The following MED13L variants were observed in gnomAD, a reference collection of about 807,000 sequenced individuals.
MED13L encodes the protein mediator complex subunit 13L, also known as mediator of RNA polymerase II transcription subunit 13-like.
MED13L carries 7 observed loss-of-function variants against 220.9 expected under a neutral mutation model. The ratio of observed to expected loss-of-function variants is 0.03; its 90% confidence interval spans 0.02 to 0.06. The LOEUF (loss-of-function observed/expected upper bound fraction) is 0.06. Ranked by LOEUF, MED13L falls within the 10% of genes least tolerant of loss-of-function variation. The pLI, the probability that MED13L is intolerant of heterozygous loss-of-function variation, is 1.00. For synonymous variants in MED13L, 1,011 were observed against 1,015.2 expected (o/e 1.00, Z 0.08); for missense variants, 1,965 against 2,760.5 (o/e 0.71, Z 6.46).
chr12:116,088,452 T>G (rs1871903827), intron 4 of MED13L, among the ~76,000 whole-genome samples: 1 of 151,970 alleles, frequency 6.6e-6, no homozygotes, highest in African/African-American at 2.4e-5. Flanking sequence ...CCAAGGAAAA[T>G]CTGGCACTAT....
chr12:116,088,427 G>T (rs1871899797), intron 4 of MED13L, among the ~76,000 whole-genome samples: 1 of 152,132 alleles, frequency 6.6e-6, no homozygotes, highest in African/African-American at 2.4e-5. Flanking sequence ...TTTCAACCAG[G>T]GGTGACTTGC....
chr12:116,248,948 C>T (rs1191823178), intron 1 of MED13L, among the ~76,000 whole-genome samples: 1 of 152,214 alleles, frequency 6.6e-6, no homozygotes, highest in Non-Finnish European at 1.5e-5. Context: ...TGAGAGAAGG[C>T]ATACAAATGA....
At chr12:116,120,916 T>C (rs1593067953) in intron 2 of MED13L, among the ~76,000 whole-genome samples, 1 of 152,172 alleles carries the variant, frequency 6.6e-6, no homozygotes, top group African/African-American at 2.4e-5. Context: ...CTAAAATGCA[T>C]GTAAAATAAA....
Position 116,185,197 on chromosome 12 carries a change from T to C in MED13L, c.310+52271A>G, listed in dbSNP as rs140246784. On this transcript the variant is annotated intron_variant, in intron 2 of 30. Coordinates refer to ENST00000281928, the MANE Select transcript of MED13L (RefSeq NM_015335.5). ...AATCAAGGTTTGAAAGACCACAAAA[T>C]CTTTACTCACCTACAAAGTGGTCAG... Among the ~76,000 whole-genome samples the C allele has an allele frequency of 2.3e-4, 35 of 152,254 alleles. No individual in the cohort carries two copies. The East Asian group carries it at 6.6e-3, about 29-fold the overall frequency.
At chr12:116,269,819 ATGAGAAATAAACAC>A (rs1306193685) in intron 1 of MED13L, among the ~76,000 whole-genome samples, 3 of 152,362 alleles carry the variant, frequency 2.0e-5, no homozygotes, top group African/African-American at 7.2e-5. Context: ...TTCATCTAGA[ATGAGAAATAAACAC>A]TGAGAAATAT....
Position 115,970,734 on chromosome 12 carries a change from G to C in MED13L, c.5927C>G (p.Thr1976Ser). 1 of 1,614,036 alleles carries C rather than the reference G, an allele frequency of 6.2e-7. No individual in the cohort carries two copies. The highest frequency in any genetic ancestry group is 1.7e-5 in the Admixed American group (1 of 59,998). The change falls in exon 27 of 31, where the codon ACT becomes AGT. Residue 1976 changes from threonine to serine, a missense_variant. Physicochemically the swap from Thr to Ser is moderately conservative, Grantham distance 58. Transcript: ENST00000281928. ...CTGAGATGACTGCATGTTCAGTGCAGTACTTCGGCCAAAAACAGAGCCCAT... is the reference window on the plus strand; with the variant it reads ...CTGAGATGACTGCATGTTCAGTGCACTACTTCGGCCAAAAACAGAGCCCAT... ...VTMGSVFGRS[T>S]ALNMQSSQLN...
At chr12:116,120,440 T>TCTC (rs1874947546) in intron 2 of MED13L, among the ~76,000 whole-genome samples, 4 of 98,324 alleles carry the variant, frequency 4.1e-5, no homozygotes, top group Admixed American at 1.2e-4. Context: ...TAATCTCTCT[T>TCTC]TCTCTCTCTC....
chr12:116,251,834 C>T (rs984026250), intron 1 of MED13L, among the ~76,000 whole-genome samples: 1 of 149,608 alleles, frequency 6.7e-6, no homozygotes, highest in African/African-American at 2.5e-5. Flanking sequence ...GACATATTTA[C>T]GTTGAGAGTG....
chr12:116,017,409 G>A (rs1879790084), intron 7 of MED13L, among the ~76,000 whole-genome samples: 1 of 152,156 alleles, frequency 6.6e-6, no homozygotes, highest in African/African-American at 2.4e-5. Context: ...ACTTAATGTA[G>A]TGCAATTGTT....
intron 4 of MED13L, among the ~76,000 whole-genome samples, chr12:116,093,990 T>C (rs922096530): frequency 2.0e-5 from 3 of 152,148 alleles, no homozygotes; most frequent in Non-Finnish European, 4.4e-5. Flanking sequence ...TCAATAATAA[T>C]AAAAATTCAG....
chr12:116,116,359 C>T (rs1422551778), intron 2 of MED13L, among the ~76,000 whole-genome samples: 1 of 151,984 alleles, frequency 6.6e-6, no homozygotes, highest in Admixed American at 6.6e-5. Context: ...CATAAAAACC[C>T]AAAAAGACTG....
At chr12:116,161,572 A>C (rs1157728418) in intron 2 of MED13L, among the ~76,000 whole-genome samples, 1 of 152,136 alleles carries the variant, frequency 6.6e-6, no homozygotes, top group Non-Finnish European at 1.5e-5. Flanking sequence ...GATGAATAGA[A>C]CAAGGCCTCT....
At chr12:116,240,783 TC>T (rs1565944741) in intron 1 of MED13L, among the ~76,000 whole-genome samples, 1 of 150,840 alleles carries the variant, frequency 6.6e-6, no homozygotes, top group African/African-American at 2.4e-5. Context: ...CACCTCCGCC[TC>T]CCAAAGTGCT....
intron 1 of MED13L, among the ~76,000 whole-genome samples, chr12:116,257,677 T>C (rs922561512): frequency 6.6e-6 from 1 of 152,228 alleles, no homozygotes; most frequent in Non-Finnish European, 1.5e-5. Flanking sequence ...AATAAGCATA[T>C]GATTGTGATA....
At chr12:116,096,834 A>G in intron 3 of MED13L, 82 bp from the exon 4 acceptor site, 1 of 952,824 alleles carries the variant, frequency 1.0e-6, no homozygotes, top group South Asian at 1.3e-5. Flanking sequence ...CAGATGAGAT[A>G]TATCACCAAA....
At chr12:116,098,778 A>T (rs1872824386) in intron 3 of MED13L, among the ~76,000 whole-genome samples, 1 of 152,216 alleles carries the variant, frequency 6.6e-6, no homozygotes, top group Non-Finnish European at 1.5e-5. Context: ...AAGTTTAAAA[A>T]AAAATGCTTT....
Position 115,975,152 on chromosome 12 carries a change from T to G in MED13L, c.5731+19A>C, listed in dbSNP as rs757753808. 3.1e-6 allele frequency: 5 copies of G among 1,613,726 alleles called. No homozygotes were observed. The highest frequency in any genetic ancestry group is 3.3e-5 in the Admixed American group (2 of 59,996). ...CTTTTCCTCTGTCTTCTGCAAATAC[T>G]TCTTCAAAAATTTCTCACCTTTAAG... On this transcript the variant is annotated intron_variant, in intron 25 of 30. Transcript: ENST00000281928.
intron 2 of MED13L, among the ~76,000 whole-genome samples, chr12:116,206,900 A>G (rs1020806375): frequency 1.3e-5 from 2 of 152,186 alleles, no homozygotes; most frequent in African/African-American, 2.4e-5. Context: ...TATCCCCCCC[A>G]AAACTCCAAA....
At chr12:115,973,188 A>T (rs889530605) in intron 25 of MED13L, among the ~76,000 whole-genome samples, 35 of 152,216 alleles carry the variant, frequency 2.3e-4, no homozygotes, top group Admixed American at 2.1e-3. Context: ...GAAATCACAG[A>T]TGTGAGCTTC....
Sources: gnomAD v4.1 joint callset for allele counts (sites outside exome capture counted in the v4.1 genomes callset) on GRCh38, gnomAD v4.1.1 for gene constraint, MANE v1.5 for transcripts, NCBI Gene and HGNC (gene_info 2026-07-23, HGNC 2026-07-21) for gene names.